SVIL: variants seen among roughly 807,000 people sequenced by gnomAD.
SVIL encodes supervillin.
In SVIL, 101 loss-of-function variants were observed where a neutral mutation model predicts 240.4. The observed-to-expected ratio is 0.42, with a 90% CI of 0.36 to 0.50. The LOEUF is 0.50. Among genes scored for constraint, SVIL ranks in the 20% least tolerant of loss-of-function variants. SVIL has a pLI of 0.01. For missense variants in SVIL, 2,512 were observed against 2,818.7 expected, an observed-to-expected ratio of 0.89 and a Z score of 2.46; for synonymous variants, 999 against 1,100.0, an observed-to-expected ratio of 0.91 and a Z score of 1.82.
chr10:29,732,163 A>G (rs1589597628), intron 1 of SVIL, among the ~76,000 whole-genome samples: 1 of 152,288 alleles, frequency 6.6e-6, no homozygotes, highest in East Asian at 1.9e-4. Context: ...TGCATATCAT[A>G]TCCAGATGTA....
chr10:29,679,624 C>T (rs1197143762), intron 2 of SVIL, among the ~76,000 whole-genome samples: 4 of 148,806 alleles, frequency 2.7e-5, no homozygotes, highest in South Asian at 2.1e-4. Context: ...GCGCTGATCA[C>T]GGCTCACTGC....
At chr10:29,506,811 G>T (rs113980649) in intron 17 of SVIL, among the ~76,000 whole-genome samples, 10 of 122,208 alleles carry the variant, frequency 8.2e-5, no homozygotes, top group African/African-American at 2.6e-4. Flanking sequence ...GGGACAGAGG[G>T]CCTACAGGGA....
chr10:29,625,751 C>T (rs1957839060), intron 1 of SVIL, among the ~76,000 whole-genome samples: 1 of 152,142 alleles, frequency 6.6e-6, no homozygotes, highest in Non-Finnish European at 1.5e-5. Context: ...CATGAGCCAC[C>T]ACGCCCAGCC....
chr10:29,612,565 T>C (rs1957285165), intron 1 of SVIL, among the ~76,000 whole-genome samples: 2 of 152,110 alleles, frequency 1.3e-5, no homozygotes, highest in African/African-American at 4.8e-5. Flanking sequence ...ATGCTTAAGT[T>C]CAACAGATAA....
chr10:29,719,835 A>G (rs554058413), intron 1 of SVIL, among the ~76,000 whole-genome samples: 1 of 152,356 alleles, frequency 6.6e-6, no homozygotes, highest in South Asian at 2.1e-4. Flanking sequence ...AGACAACTTT[A>G]AGCAGCCTAA....
chr10:29,504,945 T>A (rs993212964), intron 17 of SVIL, among the ~76,000 whole-genome samples: 5 of 152,262 alleles, frequency 3.3e-5, no homozygotes, highest in African/African-American at 1.2e-4. Context: ...GCAACCAAGC[T>A]GTCCTCCAGT....
chr10:29,717,389 T>A (rs1354116669), intron 1 of SVIL, among the ~76,000 whole-genome samples: 1 of 152,090 alleles, frequency 6.6e-6, no homozygotes, highest in Non-Finnish European at 1.5e-5. Flanking sequence ...GGAGAATTTA[T>A]GTCAAAATTG....
At chr10:29,458,814 T>C (rs1203954038) in intron 36 of SVIL, 2 of 320,004 alleles carry the variant, frequency 6.2e-6, no homozygotes, top group East Asian at 6.7e-5. Flanking sequence ...AATTAAAAAA[T>C]GGTATTTTTT....
intron 2 of SVIL, among the ~76,000 whole-genome samples, chr10:29,677,751 G>A (rs552958200): frequency 6.6e-5 from 10 of 152,118 alleles, no homozygotes; most frequent in African/African-American, 1.9e-4. Flanking sequence ...ACTTACTGTC[G>A]GATTCCCAAT....
intron 2 of SVIL, among the ~76,000 whole-genome samples, chr10:29,668,820 G>A (rs1174754375): frequency 1.3e-5 from 2 of 152,096 alleles, no homozygotes; most frequent in East Asian, 3.9e-4. Flanking sequence ...CTTTAGTGGA[G>A]CAGAAAGATT....
intron 6 of SVIL, among the ~76,000 whole-genome samples, chr10:29,542,080 C>T (rs749868860): frequency 6.6e-5 from 10 of 152,258 alleles, no homozygotes; most frequent in East Asian, 1.9e-4. Context: ...GTTCAGCTGA[C>T]GTTTTCTTCA....
intron 26 of SVIL, among the ~76,000 whole-genome samples, chr10:29,485,653 C>A (rs1482672192): frequency 1.3e-5 from 2 of 152,144 alleles, no homozygotes; most frequent in Non-Finnish European, 2.9e-5. Flanking sequence ...CTTAATGATA[C>A]TGGAAATGTA....
chr10:29,584,758 G>A (rs1485286956), intron 1 of SVIL, among the ~76,000 whole-genome samples: 1 of 152,206 alleles, frequency 6.6e-6, no homozygotes, highest in Non-Finnish European at 1.5e-5. Context: ...GGCATTCTGA[G>A]GTGGGAAGGG....
At chr10:29,580,854 C>T (rs1216531118) in intron 1 of SVIL, among the ~76,000 whole-genome samples, 2 of 152,084 alleles carry the variant, frequency 1.3e-5, no homozygotes, top group African/African-American at 4.8e-5. Context: ...TTGCCATGTG[C>T]CCAGGCTGGT....
chr10:29,649,553 G>T (rs979750604), intron 3 of SVIL, among the ~76,000 whole-genome samples: 1 of 152,048 alleles, frequency 6.6e-6, no homozygotes, highest in Non-Finnish European at 1.5e-5. Context: ...TAAAAATATT[G>T]TGTTATGGTA....
rs187580758 is a variant in SVIL, at chr10:29,717,368, C to G, written c.-400+18383G>C. On this transcript the variant is annotated intron_variant, in intron 1 of 35. Transcript: ENST00000375400. ...AAGGAAAAACTTACTTATGACCTAG[C>G]TAGAGAGGCAGGAGAATTTATGTCA... Among the ~76,000 whole-genome samples the G allele has an allele frequency of 4.4e-3, 652 of 149,478 alleles. 2 individuals are homozygous for G. The highest frequency in any genetic ancestry group is 0.011 in the Middle Eastern group (3 of 274).
intron 1 of SVIL, among the ~76,000 whole-genome samples, chr10:29,709,587 C>A (rs77329472): frequency 6.6e-6 from 1 of 152,156 alleles, no homozygotes; most frequent in East Asian, 1.9e-4. Flanking sequence ...CAGGAGGAAG[C>A]GACTTTTCTC....
At chr10:29,699,906 CT>C (rs1564775311) in intron 1 of SVIL, among the ~76,000 whole-genome samples, 1 of 152,294 alleles carries the variant, frequency 6.6e-6, no homozygotes, top group East Asian at 1.9e-4. Context: ...GTATTCTAAA[CT>C]CTCCCTTTCA....
chr10:29,711,371 G>A (rs1219600772), intron 1 of SVIL, among the ~76,000 whole-genome samples: 1 of 152,188 alleles, frequency 6.6e-6, no homozygotes, highest in Non-Finnish European at 1.5e-5. Context: ...CTGCACTCCA[G>A]CCTGGGTGAC....
Sources: allele counts gnomAD v4.1 joint callset (sites outside exome capture counted in the v4.1 genomes callset), GRCh38; gene constraint gnomAD v4.1.1; transcripts MANE v1.5; gene names NCBI Gene and HGNC (gene_info 2026-07-23, HGNC 2026-07-21).